Variants in SYTL3 observed in about 807,000 individuals in gnomAD.
SYTL3 encodes synaptotagmin like 3.
In SYTL3, 88 loss-of-function variants were observed where a neutral mutation model predicts 82.1. The observed-to-expected ratio is 1.07, with a 90% confidence interval of 0.90 to 1.28. SYTL3 has a LOEUF of 1.28. SYTL3 is among the 50% of genes most tolerant of loss of function. The pLI, the probability that SYTL3 is intolerant of heterozygous loss-of-function variation, is 0.00. For missense variants in SYTL3, 831 were observed against 757.6 expected, an observed-to-expected ratio of 1.10 and a Z score of -1.14; for synonymous variants, 311 against 289.4, an observed-to-expected ratio of 1.07 and a Z score of -0.76.
intron 11 of SYTL3, chr6:158,726,317 C>G: frequency 2.6e-6 from 1 of 384,366 alleles, no homozygotes; most frequent in Non-Finnish European, 5.0e-6. Context: ...CAGGTTTCTT[C>G]TTTTTTAAGA....
chr6:158,687,487 G>A (rs1355358804), intron 6 of SYTL3, among the ~76,000 whole-genome samples: 1 of 152,208 alleles, frequency 6.6e-6, no homozygotes, highest in East Asian at 1.9e-4. Flanking sequence ...AGTCAGAGAG[G>A]ACAAAGGGTC....
intron 6 of SYTL3, among the ~76,000 whole-genome samples, chr6:158,683,528 C>T (rs1200805242): frequency 6.6e-6 from 1 of 152,140 alleles, no homozygotes; most frequent in Non-Finnish European, 1.5e-5. Context: ...CAGGTTGGCC[C>T]CATTCTTTAA....
chr6:158,742,168 C>T (rs956446288), intron 11 of SYTL3, among the ~76,000 whole-genome samples: 1 of 151,936 alleles, frequency 6.6e-6, no homozygotes, highest in Non-Finnish European at 1.5e-5. Context: ...GCAAATAATC[C>T]ATTATTAGCA....
At chr6:158,694,989 C>T (rs543192909) in intron 6 of SYTL3, among the ~76,000 whole-genome samples, 2 of 152,274 alleles carry the variant, frequency 1.3e-5, no homozygotes, top group East Asian at 3.9e-4. Context: ...TCAGGTTCGT[C>T]AATATTTTAT....
chr6:158,703,812 A>C (rs1781603293), intron 6 of SYTL3, among the ~76,000 whole-genome samples: 1 of 122,642 alleles, frequency 8.2e-6, no homozygotes, highest in Non-Finnish European at 1.8e-5. Flanking sequence ...AGTGGGTTTT[A>C]TATTATTATC....
chr6:158,656,915 G>A (rs1788746054), intron 2 of SYTL3, among the ~76,000 whole-genome samples: 1 of 152,166 alleles, frequency 6.6e-6, no homozygotes, highest in African/African-American at 2.4e-5. Context: ...AAGCATTCAA[G>A]AGAGAATTAC....
At chr6:158,726,140 T>C (rs1421791082) in intron 11 of SYTL3, 4 of 422,772 alleles carry the variant, frequency 9.5e-6, no homozygotes, top group Non-Finnish European at 1.9e-5. Flanking sequence ...ATGTTTTCTG[T>C]CACTTCCTCC....
intron 5 of SYTL3, among the ~76,000 whole-genome samples, chr6:158,672,059 G>A (rs1048358116): frequency 6.6e-6 from 1 of 152,108 alleles, no homozygotes; most frequent in Non-Finnish European, 1.5e-5. Flanking sequence ...GGGAGGCCGA[G>A]GTGGGCAGAT....
intron 8 of SYTL3, among the ~76,000 whole-genome samples, chr6:158,710,085 T>C (rs1782589577): frequency 1.3e-5 from 2 of 152,146 alleles, no homozygotes; most frequent in Non-Finnish European, 2.9e-5. Flanking sequence ...ACTGGCCACT[T>C]TACACAATAA....
chr6:158,705,464 G>GC, intron 6 of SYTL3, among the ~76,000 whole-genome samples: 39 of 120,088 alleles, frequency 3.2e-4, no homozygotes, highest in Non-Finnish European at 4.8e-4. Context: ...ACATAGGGCA[G>GC]GAGGGACCTG....
At chr6:158,761,484 T>TC (rs920044845) in intron 15 of SYTL3, among the ~76,000 whole-genome samples, 3 of 151,590 alleles carry the variant, frequency 2.0e-5, no homozygotes, top group African/African-American at 7.3e-5. Flanking sequence ...TTGTTTTTTT[T>TC]CTTTAAGTAG....
intron 17 of SYTL3, among the ~76,000 whole-genome samples, chr6:158,763,919 G>A (rs1790371578): frequency 6.6e-6 from 1 of 152,232 alleles, no homozygotes; most frequent in Non-Finnish European, 1.5e-5. Context: ...CGCCGGCATG[G>A]TAGGTGGACA....
intron 15 of SYTL3, 107 bp downstream of exon 15, chr6:158,760,852 C>T (rs1205793417): frequency 1.8e-5 from 16 of 876,696 alleles, no homozygotes; most frequent in South Asian, 8.7e-5. Flanking sequence ...TTCCTTTCTA[C>T]GTCCCCGTGC....
At chr6:158,646,042 A>G (rs561827886), upstream of SYTL3, among the ~76,000 whole-genome samples, 2 of 152,354 alleles carry the variant, frequency 1.3e-5, no homozygotes, top group South Asian at 4.1e-4. Context: ...ACTAAGTACC[A>G]TGCAGGAAGG....
chr6:158,763,868 G>GTCAGAACAGCAGTGCTGT (rs1790358676), intron 17 of SYTL3, among the ~76,000 whole-genome samples: 1 of 152,164 alleles, frequency 6.6e-6, no homozygotes, highest in Admixed American at 6.5e-5. Context: ...ATCAAAAGTG[G>GTCAGAACAGCAGTGCTGT]TCAGAACAGC....
At chr6:158,746,696 C>G (rs1236028022) in intron 12 of SYTL3, among the ~76,000 whole-genome samples, 5 of 151,746 alleles carry the variant, frequency 3.3e-5, no homozygotes, top group Non-Finnish European at 7.4e-5. Flanking sequence ...GAATTCCTGA[C>G]CTCGTGATCC....
intron 16 of SYTL3, among the ~76,000 whole-genome samples, chr6:158,763,034 C>T (rs1034140082): frequency 3.3e-5 from 5 of 152,196 alleles, no homozygotes; most frequent in Non-Finnish European, 5.9e-5. Flanking sequence ...CGTGTATCTG[C>T]AGTCATGGTG....
upstream of SYTL3, among the ~76,000 whole-genome samples, chr6:158,645,095 G>A (rs538121850): frequency 9.2e-5 from 14 of 152,260 alleles, no homozygotes; most frequent in East Asian, 2.7e-3. Flanking sequence ...AAACCCGCTC[G>A]GACACCTGGC....
intron 5 of SYTL3, among the ~76,000 whole-genome samples, chr6:158,673,348 A>G (rs1777618342): frequency 6.7e-6 from 1 of 149,308 alleles, no homozygotes; most frequent in South Asian, 2.1e-4. Context: ...CTGGGTTTTT[A>G]TTTCGGTTTA....
Sources: gnomAD v4.1 joint callset for allele counts (sites outside exome capture counted in the v4.1 genomes callset) on GRCh38, gnomAD v4.1.1 for gene constraint, MANE v1.5 for transcripts, NCBI Gene and HGNC (gene_info 2026-07-23, HGNC 2026-07-21) for gene names.